The following TJP3 variants were observed in gnomAD, a reference collection of about 807,000 sequenced individuals.
TJP3 encodes tight junction protein ZO-3.
In TJP3, 85 loss-of-function variants were observed where a neutral mutation model predicts 104.2. That is an observed-to-expected ratio of 0.82 (90% confidence interval 0.68 to 0.98). The LOEUF (loss-of-function observed/expected upper bound fraction) is 0.98. Ranked by LOEUF, TJP3 falls within the 50% of genes least tolerant of loss-of-function variation. The pLI, the probability that TJP3 is intolerant of heterozygous loss-of-function variation, is 0.00. For synonymous variants in TJP3, 550 were observed against 550.6 expected (o/e 1.00, Z 0.02); for missense variants, 1,367 against 1,322.8 (o/e 1.03, Z -0.52).
intron 3 of TJP3, among the ~76,000 whole-genome samples, 171 bp from the exon 4 acceptor site, chr19:3,729,857 G>GA (rs2036645623): frequency 6.6e-6 from 1 of 151,724 alleles, no homozygotes; most frequent in Admixed American, 6.6e-5. Flanking sequence ...TTACAGGTGA[G>GA]AAAACGGAGG....
chr19:3,722,214 T>C (rs1466809275), intron 1 of TJP3, among the ~76,000 whole-genome samples: 1 of 152,178 alleles, frequency 6.6e-6, no homozygotes, highest in Non-Finnish European at 1.5e-5. Context: ...CACTATGCTG[T>C]GTGTAACGTG....
intron 15 of TJP3, 75 bp from the exon 16 acceptor site, chr19:3,745,936 A>G: frequency 8.1e-7 from 1 of 1,239,910 alleles, no homozygotes; most frequent in Non-Finnish European, 1.1e-6. Context: ...TGAGCAGGGG[A>G]GGGGCAGGTA....
intron 3 of TJP3, 55 bp downstream of exon 3, chr19:3,728,768 C>A: frequency 6.4e-7 from 1 of 1,572,474 alleles, no homozygotes; most frequent in Non-Finnish European, 8.7e-7. Context: ...AGAGGAGAAA[C>A]CAGGCCAGGC....
At chr19:3,724,773 A>C (rs745454527) in intron 1 of TJP3, among the ~76,000 whole-genome samples, 18 of 152,210 alleles carry the variant, frequency 1.2e-4, no homozygotes, top group African/African-American at 3.6e-4. Context: ...TCCTGGGCTC[A>C]AGCAATCCTC....
chr19:3,740,234 A>G (rs2036795230), intron 13 of TJP3, among the ~76,000 whole-genome samples: 2 of 151,498 alleles, frequency 1.3e-5, no homozygotes, highest in South Asian at 4.2e-4. Context: ...CTATCTCAAA[A>G]AAGTAAATAA....
At chr19:3,721,988 G>T (rs1273893170) in intron 1 of TJP3, 2 of 806,658 alleles carry the variant, frequency 2.5e-6, no homozygotes, top group Non-Finnish European at 3.3e-6. Context: ...TTTGGGAGTC[G>T]GACCCAGGAC....
rs2036888437 is a variant in TJP3, at chr19:3,746,394, T to G, written c.2011-91T>G. The stretch of plus-strand genomic sequence containing the variant: ...GTGGATGTGAGAGGCTGGGGTCCAC[T>G]CTGACCTCAGACTCTTCATCTTTCT... On this transcript the variant is annotated intron_variant, in intron 16 of 20. Coordinates refer to ENST00000541714, the MANE Select transcript of TJP3 (RefSeq NM_001267560.2). The surrounding 1 kb of genome is among the most constrained non-coding windows in gnomAD (Gnocchi z 4.1). 2 of 1,422,026 alleles carry G rather than the reference T, an allele frequency of 1.4e-6. No homozygotes were observed. Among genetic ancestry groups the G allele is most frequent in the Non-Finnish European group, 1.9e-6 (2 of 1,030,054 alleles). 88.1% of individuals were successfully genotyped at this position (1,422,026 alleles called of 1,614,324 possible).
In TJP3 at chr19:3,728,483, G is replaced by A. The variant is rs548736333; in HGVS notation, c.48+3G>A. 2 of 1,607,044 alleles carry A rather than the reference G, an allele frequency of 1.2e-6. No homozygotes were observed. Among genetic ancestry groups the A allele is most frequent in the East Asian group, 4.5e-5 (2 of 44,604 alleles). ...AGCACACGGCCACACTGTCCAAGGT[G>A]AGGCCTCCCTCTCCCTGTCTGGGTG... On this transcript the variant is annotated splice_donor_region_variant and intron_variant, in intron 2 of 20. Coordinates refer to ENST00000541714, the MANE Select transcript of TJP3 (RefSeq NM_001267560.2).
At chr19:3,718,858 G>A (rs893653309) in intron 1 of TJP3, among the ~76,000 whole-genome samples, 4 of 152,054 alleles carry the variant, frequency 2.6e-5, no homozygotes, top group African/African-American at 4.8e-5. Flanking sequence ...TTTTTCTCAC[G>A]ACTCATTAAA....
intron 3 of TJP3, among the ~76,000 whole-genome samples, chr19:3,729,689 G>C (rs3786987): frequency 0.16 from 23,738 of 150,932 alleles, 2,255 homozygotes; most frequent in Non-Finnish European, 0.22. Context: ...GGCTGAGGCA[G>C]AAGGATCGTT....
intron 1 of TJP3, among the ~76,000 whole-genome samples, chr19:3,723,456 G>C (rs80103500): frequency 0.034 from 5,244 of 152,210 alleles, 289 homozygotes; most frequent in African/African-American, 0.12. Context: ...CTAACCGATG[G>C]TTAAAGAGAA....
chr19:3,743,263 CA>C (rs57352964), intron 14 of TJP3, among the ~76,000 whole-genome samples: 10 of 146,952 alleles, frequency 6.8e-5, no homozygotes, highest in Non-Finnish European at 9.0e-5. Flanking sequence ...GACTCCATCT[CA>C]AAAAAAAAAG....
intron 1 of TJP3, among the ~76,000 whole-genome samples, chr19:3,723,801 A>AAG (rs773673563): frequency 5.7e-5 from 5 of 87,988 alleles, no homozygotes; most frequent in Non-Finnish European, 1.0e-4. Flanking sequence ...TCAAAAGAAA[A>AAG]AAAAAAAATA....
intron 1 of TJP3, among the ~76,000 whole-genome samples, chr19:3,713,036 ACTC>A (rs1253162378): frequency 6.6e-6 from 1 of 150,862 alleles, no homozygotes; most frequent in Non-Finnish European, 1.5e-5. Flanking sequence ...CAGGTTCCAC[ACTC>A]CTCCTACTTC....
At chr19:3,735,449 T>G in intron 8 of TJP3, 117 bp from the exon 9 acceptor site, 1 of 1,016,000 alleles carries the variant, frequency 9.8e-7, no homozygotes, top group Non-Finnish European at 1.5e-6. Flanking sequence ...TCTGCCCACC[T>G]CGACCTCCCA....
chr19:3,731,911 A>C, intron 5 of TJP3, 24 bp from the exon 6 acceptor site: 1 of 1,604,558 alleles, frequency 6.2e-7, no homozygotes, highest in Non-Finnish European at 8.5e-7. Context: ...GTCCTGCCTC[A>C]GTTTCCCTCC....
intron 1 of TJP3, chr19:3,721,478 A>G (rs2036541166): frequency 6.4e-6 from 1 of 156,248 alleles, no homozygotes; most frequent in Non-Finnish European, 1.4e-5. Flanking sequence ...GCGGACGGAA[A>G]CACCTTCCAA....
intron 19 of TJP3, among the ~76,000 whole-genome samples, chr19:3,749,830 C>T (rs909391332): frequency 2.0e-5 from 3 of 152,168 alleles, no homozygotes; most frequent in South Asian, 2.1e-4. Flanking sequence ...AGGCTGCATA[C>T]GGAGCAGCCA....
intron 14 of TJP3, 118 bp downstream of exon 14, chr19:3,740,881 C>G (rs1314284076): frequency 1.0e-6 from 1 of 995,954 alleles, no homozygotes; most frequent in Non-Finnish European, 1.3e-6. Flanking sequence ...TGGCTCACGC[C>G]TATAATCCCA....
Sources: allele counts gnomAD v4.1 joint callset (sites outside exome capture counted in the v4.1 genomes callset), GRCh38; gene constraint gnomAD v4.1.1; non-coding constraint Gnocchi (gnomAD v3.1); transcripts MANE v1.5; gene names NCBI Gene and HGNC (gene_info 2026-07-23, HGNC 2026-07-21).